CECR2: variants seen among roughly 807,000 people sequenced by gnomAD.
The protein encoded by CECR2 is chromatin remodeling regulator CECR2.
In CECR2, 30 loss-of-function variants were observed where a neutral mutation model predicts 154.5. That is an observed-to-expected ratio of 0.19 (90% CI 0.15 to 0.26). CECR2 has a LOEUF of 0.26. Ranked by LOEUF, CECR2 falls within the 10% of genes least tolerant of loss-of-function variation. CECR2 has a pLI of 1.00. For synonymous variants in CECR2, 725 were observed against 683.7 expected, an observed-to-expected ratio of 1.06 and a Z score of -0.94; for missense variants, 1,743 against 1,829.3, an observed-to-expected ratio of 0.95 and a Z score of 0.86.
In CECR2 at chr22:17,511,853, G is replaced by C; in HGVS notation, c.911G>C (p.Arg304Thr). ...PQRTKAELHP[R>T]WMSDHLSIKP... ...CGCACAAAGGCAGAGTTGCATCCTA[G>C]GTGGATGTCTGACCACCTGTCCATC... The change falls in exon 8 of 19, where the codon AGG (arginine) becomes ACG (threonine). Residue 304 changes from arginine to threonine, a missense_variant. Arg to Thr is a moderately conservative substitution (Grantham distance 71). Around this residue, in one of 4 missense-constraint regions of CECR2, gnomAD observed 292 missense variants for 301.2 expected, o/e 0.97. Transcript: ENST00000262608. 6.2e-7 allele frequency: 1 copy of C among 1,611,826 alleles called. No homozygotes were observed. The highest frequency in any genetic ancestry group is 8.5e-7 in the Non-Finnish European group (1 of 1,178,558).
chr22:17,454,201 A>T (rs920821906), intron 1 of CECR2, among the ~76,000 whole-genome samples: 2 of 151,952 alleles, frequency 1.3e-5, no homozygotes, highest in African/African-American at 4.8e-5. Flanking sequence ...CAGGAGGCTG[A>T]AGTGGGAGGA....
chr22:17,440,163 C>T (rs771168175), intron 1 of CECR2, among the ~76,000 whole-genome samples: 1 of 151,500 alleles, frequency 6.6e-6, no homozygotes. Flanking sequence ...ATACAAACAA[C>T]CCCCAGAATG....
chr22:17,548,709 G>T lies in CECR2; in HGVS notation c.3422G>T (p.Gly1141Val), dbSNP rs767982645. 2 of 1,613,662 alleles carry T rather than the reference G, an allele frequency of 1.2e-6. No individual in the cohort carries two copies. Among genetic ancestry groups the T allele is most frequent in the South Asian group, 1.1e-5 (1 of 91,010 alleles). Residue 1141 changes from glycine (G) to valine (V), a missense_variant, in exon 17 of 19, where the codon GGT becomes GTT. Transcript: ENST00000262608. The stretch of plus-strand genomic sequence containing the variant: ...TACCACATCAGTCCAGGCCTGCAGG[G>T]TGTGGGCCCTGTGATGGGAGGGAAG... ...AHYHISPGLQ[G>V]VGPVMGGKSP...
intron 2 of CECR2, among the ~76,000 whole-genome samples, chr22:17,481,332 G>A (rs1322141191): frequency 1.9e-5 from 2 of 102,938 alleles, no homozygotes; most frequent in Admixed American, 1.3e-4. Context: ...GACAGAGCGA[G>A]ACTCTGTCTC....
chr22:17,441,282 A>T (rs1385820312), intron 1 of CECR2, among the ~76,000 whole-genome samples: 1 of 152,060 alleles, frequency 6.6e-6, no homozygotes, highest in Non-Finnish European at 1.5e-5. Flanking sequence ...GTGTTGAGGG[A>T]GCAAGTATAC....
rs749447312 is a variant in CECR2 at position 17,538,651 on chromosome 22, G to T, written c.1288G>T (p.Val430Leu). 6.2e-7 allele frequency: 1 copy of T among 1,613,840 alleles called. No homozygotes were observed. Among genetic ancestry groups the T allele is most frequent in the Non-Finnish European group, 8.5e-7 (1 of 1,179,874 alleles). The stretch of plus-strand genomic sequence containing the variant: ...TCTCTGGCTTTCAGTTCTAGACGTG[G>T]TAAAGGCTCACAAGGATTCCTGGCC... The part of the protein sequence containing the change: ...FTAMYKVLDV[V>L]KAHKDSWPFL... Residue 430 changes from valine (V) to leucine (L), a missense_variant, in exon 12 of 19, where the codon GTA (valine) becomes TTA (leucine). Coordinates refer to ENST00000262608, the MANE Select transcript of CECR2 (RefSeq NM_001290047.2).
At chr22:17,516,117 C>G (rs1371874538) in intron 8 of CECR2, among the ~76,000 whole-genome samples, 1 of 151,944 alleles carries the variant, frequency 6.6e-6, no homozygotes, top group Admixed American at 6.6e-5. Context: ...ACTTGAATTT[C>G]TATGTTACCT....
intron 7 of CECR2, among the ~76,000 whole-genome samples, 199 bp downstream of exon 7, chr22:17,505,215 C>T (rs1238306716): frequency 6.6e-6 from 1 of 152,066 alleles, no homozygotes; most frequent in Admixed American, 6.6e-5. Context: ...TGTTCTCCTT[C>T]CCCCAGAAAG....
At chr22:17,524,641 C>T (rs531979048) in intron 9 of CECR2, among the ~76,000 whole-genome samples, 1 of 138,294 alleles carries the variant, frequency 7.2e-6, no homozygotes, top group East Asian at 2.2e-4. Context: ...ATCTGCCCGC[C>T]TTGGCCTCCC....
intron 1 of CECR2, among the ~76,000 whole-genome samples, chr22:17,438,740 AC>A (rs1396210949): frequency 6.6e-6 from 1 of 152,138 alleles, no homozygotes; most frequent in South Asian, 2.1e-4. Context: ...AGATTGAACA[AC>A]CCTGTCATAA....
chr22:17,540,773 C>T lies in CECR2; in HGVS notation c.1857C>T (p.Pro619=). The stretch of plus-strand genomic sequence containing the variant: ...ATCCCCTGCATTGTGGTGGGACACC[C>T]AGCCAGGCACCCTTTTTAAACCAGA... ...FSHPLHCGGT[P]SQAPFLNQMR... is the part of the protein sequence containing the mutation. Residue 619 remains proline (P), a synonymous_variant, in exon 14 of 19, where the codon CCC becomes CCT. Transcript: ENST00000262608. 1 of 1,585,514 alleles carries T rather than the reference C, an allele frequency of 6.3e-7. No homozygotes were observed. The highest frequency in any genetic ancestry group is 8.6e-7 in the Non-Finnish European group (1 of 1,165,508).
intron 1 of CECR2, among the ~76,000 whole-genome samples, chr22:17,434,611 T>C (rs2054474949): frequency 6.6e-6 from 1 of 150,610 alleles, no homozygotes; most frequent in African/African-American, 2.4e-5. Flanking sequence ...ACCCCCACCA[T>C]GGATTAGAAC....
chr22:17,382,096 T>C (rs137973263), intron 1 of CECR2, among the ~76,000 whole-genome samples: 16 of 151,550 alleles, frequency 1.1e-4, no homozygotes, highest in Admixed American at 5.2e-4. Flanking sequence ...TTCGCCGTGT[T>C]AGCCAGGATG....
intron 2 of CECR2, among the ~76,000 whole-genome samples, chr22:17,479,567 G>A (rs563917569): frequency 3.4e-5 from 5 of 145,638 alleles, no homozygotes; most frequent in Non-Finnish European, 7.7e-5. Flanking sequence ...ATATTCCTCC[G>A]TGGCTGAGTT....
At chr22:17,496,770 G>T (rs988620596) in intron 2 of CECR2, among the ~76,000 whole-genome samples, 1 of 152,158 alleles carries the variant, frequency 6.6e-6, no homozygotes, top group Admixed American at 6.5e-5. Context: ...AGTTGTACGC[G>T]TAGCGGGTGA....
intron 1 of CECR2, among the ~76,000 whole-genome samples, chr22:17,422,899 A>G (rs2054278395): frequency 1.3e-5 from 2 of 151,844 alleles, no homozygotes; most frequent in African/African-American, 4.8e-5. Flanking sequence ...CATGCTGCCC[A>G]CCTGTTCCTG....
chr22:17,437,239 C>G (rs930710137), intron 1 of CECR2, among the ~76,000 whole-genome samples: 2 of 152,166 alleles, frequency 1.3e-5, no homozygotes, highest in East Asian at 3.9e-4. Flanking sequence ...CATTCCCCCT[C>G]TGCTCCCAGA....
intron 7 of CECR2, among the ~76,000 whole-genome samples, chr22:17,508,182 C>T (rs747022121): frequency 6.6e-6 from 1 of 152,176 alleles, no homozygotes; most frequent in Non-Finnish European, 1.5e-5. Flanking sequence ...AATTTCCTAT[C>T]GTCATAGCCT....
At chr22:17,510,087 G>A (rs1433930714) in intron 7 of CECR2, among the ~76,000 whole-genome samples, 1 of 152,178 alleles carries the variant, frequency 6.6e-6, no homozygotes, top group Non-Finnish European at 1.5e-5. Context: ...CAAATAAATT[G>A]ACTAAGGGTA....
Sources: gnomAD v4.1 joint callset for allele counts (sites outside exome capture counted in the v4.1 genomes callset) on GRCh38, gnomAD v4.1.1 for gene constraint, gnomAD v4.1.1 regional missense constraint, MANE v1.5 for transcripts, NCBI Gene and HGNC (gene_info 2026-07-23, HGNC 2026-07-21) for gene names.